Variants in GRIK2 observed in about 807,000 individuals in gnomAD.
The protein encoded by GRIK2 is glutamate receptor ionotropic, kainate 2.
GRIK2 carries 32 observed loss-of-function variants against 100.3 expected under a neutral mutation model. The ratio of observed to expected loss-of-function variants is 0.32; its 90% CI spans 0.24 to 0.43. GRIK2 has a LOEUF of 0.43. Among genes scored for constraint, GRIK2 ranks in the 20% least tolerant of loss-of-function variants. The pLI is 1.00. For synonymous variants in GRIK2, 417 were observed against 389.4 expected (o/e 1.07, Z -0.83); for missense variants, 843 against 1,114.9 (o/e 0.76, Z 3.47).
At chr6:101,461,285 A>G (rs1011542670) in intron 2 of GRIK2, among the ~76,000 whole-genome samples, 6 of 152,198 alleles carry the variant, frequency 3.9e-5, no homozygotes, top group African/African-American at 1.4e-4. Context: ...GGGTAAAATT[A>G]AGGTATAATC....
At chr6:101,833,794 C>G (rs910300472) in intron 10 of GRIK2, among the ~76,000 whole-genome samples, 3 of 151,614 alleles carry the variant, frequency 2.0e-5, no homozygotes, top group African/African-American at 7.3e-5. Context: ...TTTGTTTGCT[C>G]TATTATATTT....
chr6:102,042,491 C>T (rs1157895425), intron 15 of GRIK2, among the ~76,000 whole-genome samples: 1 of 151,538 alleles, frequency 6.6e-6, no homozygotes, highest in Admixed American at 6.6e-5. Context: ...ATAGCTGGAG[C>T]TTAGTGAGAC....
chr6:101,681,685 A>G (rs141875768), intron 5 of GRIK2, among the ~76,000 whole-genome samples: 1 of 152,266 alleles, frequency 6.6e-6, no homozygotes, highest in East Asian at 1.9e-4. Context: ...TAATTTCTAT[A>G]TGCAGAATGT....
At chr6:101,967,712 G>A (rs1004979373) in intron 14 of GRIK2, among the ~76,000 whole-genome samples, 3 of 150,986 alleles carry the variant, frequency 2.0e-5, no homozygotes, top group Non-Finnish European at 3.0e-5. Context: ...TGAGATCTAC[G>A]CAAACAGGTA....
At chr6:101,967,273 T>TAA (rs976073421) in intron 14 of GRIK2, among the ~76,000 whole-genome samples, 1 of 152,052 alleles carries the variant, frequency 6.6e-6, no homozygotes, top group African/African-American at 2.4e-5. Flanking sequence ...ATACTTTATA[T>TAA]AAAGTCATAT....
At chr6:101,929,368 G>A (rs1416875750) in intron 14 of GRIK2, among the ~76,000 whole-genome samples, 2 of 152,052 alleles carry the variant, frequency 1.3e-5, no homozygotes, top group African/African-American at 4.8e-5. Context: ...ATCTTACCAA[G>A]TATTTTTACA....
intron 14 of GRIK2, among the ~76,000 whole-genome samples, chr6:102,030,809 G>T (rs755183188): frequency 6.6e-5 from 10 of 150,802 alleles, no homozygotes; most frequent in African/African-American, 2.4e-4. Flanking sequence ...TTGGTCAATT[G>T]TATCTAATAT....
chr6:101,485,914 G>A (rs751349583), intron 2 of GRIK2, among the ~76,000 whole-genome samples: 5 of 134,304 alleles, frequency 3.7e-5, no homozygotes, highest in Admixed American at 2.2e-4. Context: ...GCACCATTGC[G>A]CTTTTTTTTT....
rs185831992 is a variant in GRIK2, at chr6:101,864,068, C to T, written c.1524+4575C>T. Among the ~76,000 whole-genome samples the T allele has an allele frequency of 6.8e-4, 99 of 146,148 alleles. 1 individual carries two copies. Among genetic ancestry groups the T allele is most frequent in the African/African-American group, 2.4e-3 (94 of 39,384 alleles). On this transcript the variant is annotated intron_variant, in intron 11 of 16. Coordinates refer to ENST00000369134, the MANE Select transcript of GRIK2 (RefSeq NM_021956.5). ...AGGAGAATGGCGTGAACCCGGGAAG[C>T]GGAGCTTGCAGTGAGCCGAGATTGC...
At chr6:101,701,184 A>G (rs1772866983) in intron 7 of GRIK2, among the ~76,000 whole-genome samples, 1 of 152,130 alleles carries the variant, frequency 6.6e-6, no homozygotes, top group Admixed American at 6.6e-5. Flanking sequence ...TTTTGGGAGC[A>G]TATGTTTACA....
intron 12 of GRIK2, among the ~76,000 whole-genome samples, chr6:101,923,788 G>T (rs1267172969): frequency 6.6e-6 from 1 of 151,864 alleles, no homozygotes; most frequent in East Asian, 1.9e-4. Context: ...GGGTGTGGTG[G>T]CATGCACCTG....
rs1562364471 is a variant in GRIK2 at position 101,760,613 on chromosome 6, T to TG, written c.952-39035_952-39034insG. Among the ~76,000 whole-genome samples, 4 of 93,466 alleles carry TG rather than the reference T, an allele frequency of 4.3e-5. 1 individual carries two copies. Among genetic ancestry groups the TG allele is most frequent in the African/African-American group, 8.3e-5 (2 of 24,072 alleles). The allele number at this position is 93,466 out of a possible 152,430, so 61.3% of individuals were successfully genotyped here. ...TTATATATAATTATATATAATTATA[T>TG]TTAATTATATGTTTAATTATATATA... On this transcript the variant is annotated intron_variant, in intron 7 of 16. Transcript: ENST00000369134.
rs117539008 is a variant in GRIK2 at position 101,863,592 on chromosome 6, T to C, written c.1524+4099T>C. Among the ~76,000 whole-genome samples the C allele has an allele frequency of 5.4e-3, 830 of 152,318 alleles. 1 individual carries two copies. Among genetic ancestry groups the C allele is most frequent in the South Asian group, 0.016 (76 of 4,830 alleles). ...CAGCTGGAGGCAAAATTTCAGAATA[T>C]CCTTAAGCCAGTGTTCTGCTGGTGA... On this transcript the variant is annotated intron_variant, in intron 11 of 16. Coordinates refer to ENST00000369134, the MANE Select transcript of GRIK2 (RefSeq NM_021956.5).
intron 7 of GRIK2, among the ~76,000 whole-genome samples, chr6:101,799,446 C>T (rs893001577): frequency 6.6e-6 from 1 of 151,962 alleles, no homozygotes; most frequent in African/African-American, 2.4e-5. Flanking sequence ...GTCAAATTTT[C>T]TTATGGAGCT....
intron 11 of GRIK2, among the ~76,000 whole-genome samples, chr6:101,871,854 C>G (rs1034155582): frequency 2.8e-4 from 43 of 151,872 alleles, no homozygotes; most frequent in African/African-American, 1.0e-3. Context: ...GTGAATGTAT[C>G]TCTTTGGTAG....
intron 9 of GRIK2, among the ~76,000 whole-genome samples, chr6:101,815,281 G>C (rs1157071415): frequency 2.6e-5 from 4 of 151,976 alleles, no homozygotes; most frequent in Admixed American, 2.6e-4. Flanking sequence ...TATATCTTCT[G>C]CATATTTTAT....
chr6:101,424,124 G>A (rs902625661), intron 2 of GRIK2, among the ~76,000 whole-genome samples: 2 of 151,992 alleles, frequency 1.3e-5, no homozygotes, highest in Non-Finnish European at 1.5e-5. Flanking sequence ...CATAACAAGT[G>A]CTATGAATCT....
chr6:101,726,750 G>A lies in GRIK2; in HGVS notation c.951+40397G>A, dbSNP rs78603522. The stretch of plus-strand genomic sequence containing the variant: ...ACTATCTTCTGTTTGGTCAAATTAC[G>A]TGTCTTTTATACACGCTAAAAACTG... On this transcript the variant is annotated intron_variant, in intron 7 of 16. Transcript: ENST00000369134. Among the ~76,000 whole-genome samples the A allele has an allele frequency of 2.7e-3, 413 of 152,056 alleles. 2 individuals carry two copies. Among genetic ancestry groups the A allele is most frequent in the African/African-American group, 9.2e-3 (380 of 41,502 alleles).
chr6:101,970,712 A>AC, intron 14 of GRIK2, among the ~76,000 whole-genome samples: 1 of 144,336 alleles, frequency 6.9e-6, no homozygotes, highest in African/African-American at 2.9e-5. Flanking sequence ...GAACATCTGT[A>AC]AACATTCTTT....
Sources: gnomAD v4.1 joint callset for allele counts (sites outside exome capture counted in the v4.1 genomes callset) on GRCh38, gnomAD v4.1.1 for gene constraint, MANE v1.5 for transcripts, NCBI Gene and HGNC (gene_info 2026-07-23, HGNC 2026-07-21) for gene names.